Variants in EIF2B3 observed in about 807,000 individuals in gnomAD.
The protein encoded by EIF2B3 is translation initiation factor eIF2B subunit gamma.
EIF2B3 carries 20 observed loss-of-function variants against 54.1 expected under a neutral mutation model. The ratio of observed to expected loss-of-function variants is 0.37; its 90% CI spans 0.26 to 0.54. EIF2B3 has a LOEUF of 0.54. Ranked by LOEUF, EIF2B3 falls within the 20% of genes least tolerant of loss-of-function variation. The probability of loss-of-function intolerance (pLI) is 0.86; values close to 1 mark genes in which losing one functional copy is unlikely to be tolerated. For missense variants in EIF2B3, 448 were observed against 547.8 expected (o/e 0.82, Z 1.82); for synonymous variants, 153 against 188.1 (o/e 0.81, Z 1.52).
intron 5 of EIF2B3, among the ~76,000 whole-genome samples, chr1:44,917,343 A>G (rs892736388): frequency 6.6e-6 from 1 of 151,962 alleles, no homozygotes; most frequent in Middle Eastern, 3.2e-3. Flanking sequence ...AAAATACAAA[A>G]TCAGCCAGGC....
intron 4 of EIF2B3, among the ~76,000 whole-genome samples, chr1:44,930,440 AG>A (rs1158329545): frequency 6.6e-6 from 1 of 152,216 alleles, no homozygotes; most frequent in African/African-American, 2.4e-5. Flanking sequence ...CTCCATAACT[AG>A]CTTTGAACTA....
intron 6 of EIF2B3, among the ~76,000 whole-genome samples, chr1:44,887,303 C>T (rs979902217): frequency 2.6e-5 from 4 of 152,138 alleles, no homozygotes; most frequent in African/African-American, 9.7e-5. Flanking sequence ...TAAAATTTGG[C>T]TCTTGAAAAT....
chr1:44,941,354 G>C, intron 4 of EIF2B3, 152 bp downstream of exon 4: 1 of 839,782 alleles, frequency 1.2e-6, no homozygotes, highest in Non-Finnish European at 1.8e-6. Flanking sequence ...TCCATTCAGG[G>C]ACTGTGTCTT....
intron 3 of EIF2B3, chr1:44,958,603 G>A (rs1463573482): frequency 2.0e-6 from 3 of 1,472,092 alleles, no homozygotes; most frequent in Non-Finnish European, 2.8e-6. Context: ...CAAAAGTGTG[G>A]CATCAAACTC....
rs542233452 is a variant in EIF2B3, at chr1:44,948,302, T to C, written c.295-6637A>G. Among the ~76,000 whole-genome samples the C allele has an allele frequency of 7.2e-5, 11 of 152,304 alleles. No homozygotes were observed. In the South Asian group the frequency reaches 2.3e-3, roughly 32 times the overall value. On this transcript the variant is annotated intron_variant, in intron 3 of 11. Transcript: ENST00000360403. ...GAATCTGATGCCAGAAATCCGCCCATAGTCCAGGATGGAAGTCCTTCCTCT... is the reference window on the plus strand; with the variant it reads ...GAATCTGATGCCAGAAATCCGCCCACAGTCCAGGATGGAAGTCCTTCCTCT...
chr1:44,900,392 A>T (rs1210617404), intron 5 of EIF2B3, among the ~76,000 whole-genome samples: 1 of 144,176 alleles, frequency 6.9e-6, no homozygotes, highest in African/African-American at 2.5e-5. Context: ...GGTTGCAGTT[A>T]GCTGATAACA....
At chr1:44,947,786 G>C (rs931142762) in intron 3 of EIF2B3, among the ~76,000 whole-genome samples, 1 of 152,098 alleles carries the variant, frequency 6.6e-6, no homozygotes, top group Non-Finnish European at 1.5e-5. Context: ...TCAGCTACTT[G>C]GTGTGACTAT....
At chr1:44,922,671 A>G (rs1643772950) in intron 5 of EIF2B3, among the ~76,000 whole-genome samples, 1 of 151,642 alleles carries the variant, frequency 6.6e-6, no homozygotes, top group Non-Finnish European at 1.5e-5. Context: ...CAATCCATGA[A>G]CATGGAATAT....
chr1:44,877,048 A>G (rs1655186928), intron 8 of EIF2B3, among the ~76,000 whole-genome samples: 1 of 150,808 alleles, frequency 6.6e-6, no homozygotes, highest in Non-Finnish European at 1.5e-5. Flanking sequence ...ACCCAGGGAC[A>G]CAAACGCTGC....
At chr1:44,870,218 C>T (rs758153648) in intron 10 of EIF2B3, among the ~76,000 whole-genome samples, 1 of 151,554 alleles carries the variant, frequency 6.6e-6, no homozygotes, top group Non-Finnish European at 1.5e-5. Flanking sequence ...GAATATCACA[C>T]GAATGATTTG....
intron 3 of EIF2B3, chr1:44,959,137 CT>C: frequency 1.3e-6 from 1 of 747,204 alleles, no homozygotes; most frequent in African/African-American, 1.7e-5. Flanking sequence ...TGAAGGCACC[CT>C]TGAACCATCT....
Position 44,986,511 on chromosome 1 carries a change from G to A in EIF2B3, c.-28C>T, listed in dbSNP as rs946948649. ...TGCTCACCCGGGTCAGCCAGCTTGT[G>A]TGCGGCCTGGCAGGGCAGAAGTCAC... is the stretch of plus-strand genomic sequence containing the variant. On this transcript the variant is annotated 5_prime_UTR_variant, in exon 1 of 12. Coordinates refer to ENST00000360403, the MANE Select transcript of EIF2B3 (RefSeq NM_020365.5). The A allele has an allele frequency of 1.3e-5, 2 of 152,456 alleles. No homozygotes were observed. Among genetic ancestry groups the A allele is most frequent in the Admixed American group, 6.5e-5 (1 of 15,278 alleles). The allele number at this position is 152,456 out of a possible 1,614,324, so 9.4% of individuals were successfully genotyped here.
At chr1:44,915,673 A>C (rs1445124851) in intron 5 of EIF2B3, among the ~76,000 whole-genome samples, 3 of 152,146 alleles carry the variant, frequency 2.0e-5, no homozygotes, top group Non-Finnish European at 4.4e-5. Context: ...TTTAATTCTT[A>C]TTACCCAGGA....
chr1:44,866,145 C>T (rs138257738), intron 10 of EIF2B3, among the ~76,000 whole-genome samples: 181 of 152,144 alleles, frequency 1.2e-3, no homozygotes, highest in African/African-American at 3.6e-3. Flanking sequence ...CGCCTGTAAT[C>T]TCAGCACTTT....
intron 5 of EIF2B3, 142 bp from the exon 6 acceptor site, chr1:44,897,586 C>A: frequency 1.4e-6 from 1 of 699,124 alleles, no homozygotes; most frequent in South Asian, 1.7e-5. Flanking sequence ...CTGGGGAGAC[C>A]AGGACAGTGG....
At chr1:44,901,111 G>GA (rs943758777) in intron 5 of EIF2B3, among the ~76,000 whole-genome samples, 7 of 150,978 alleles carry the variant, frequency 4.6e-5, no homozygotes, top group Non-Finnish European at 8.9e-5. Context: ...CTGGCTAATT[G>GA]AAAAAAAAAT....
chr1:44,901,241 T>C (rs1210956733), intron 5 of EIF2B3, among the ~76,000 whole-genome samples: 6 of 151,762 alleles, frequency 4.0e-5, no homozygotes, highest in South Asian at 2.1e-4. Flanking sequence ...TCAGCCTCCA[T>C]AGGAGGTGAG....
At chr1:44,959,027 C>A in intron 3 of EIF2B3, 1 of 736,804 alleles carries the variant, frequency 1.4e-6, no homozygotes, top group South Asian at 1.5e-5. Context: ...AGAAAAAGTT[C>A]AGTGACATCT....
chr1:44,951,912 C>T lies in EIF2B3; in HGVS notation c.295-10247G>A, dbSNP rs184427199. On this transcript the variant is annotated intron_variant, in intron 3 of 11. Coordinates refer to ENST00000360403, the MANE Select transcript of EIF2B3 (RefSeq NM_020365.5). ...AAGCAATTCTCCCACCTCAGCCTCC[C>T]GAGTAGCTGGGATTACAGGGGCGCA... is the stretch of plus-strand genomic sequence containing the variant. 8.8e-3 allele frequency among the ~76,000 whole-genome samples: 1,289 copies of T among 146,990 alleles called. 30 individuals carry two copies. The highest frequency in any genetic ancestry group is 0.031 in the African/African-American group (1,214 of 39,360).
Sources: gnomAD v4.1 joint callset for allele counts (sites outside exome capture counted in the v4.1 genomes callset) on GRCh38, gnomAD v4.1.1 for gene constraint, MANE v1.5 for transcripts, NCBI Gene and HGNC (gene_info 2026-07-23, HGNC 2026-07-21) for gene names.